Variants in NPIPB11 observed in about 807,000 individuals in gnomAD.
The protein encoded by NPIPB11 is nuclear pore complex-interacting protein family member B11.
In NPIPB11, 17 loss-of-function variants were observed where a neutral mutation model predicts 32.8. The observed-to-expected ratio is 0.52, with a 90% CI of 0.35 to 0.78. NPIPB11 has a LOEUF of 0.78. Ranked by LOEUF, NPIPB11 falls within the 30% of genes least tolerant of loss-of-function variation. NPIPB11 has a pLI of 0.01. For synonymous variants in NPIPB11, 209 were observed against 398.4 expected (o/e 0.52, Z 5.66); for missense variants, 537 against 1,000.4 (o/e 0.54, Z 6.25).
chr16:29,397,760 G>C (rs1403563603), intron 2 of NPIPB11: 1 of 220,342 alleles, frequency 4.5e-6, no homozygotes, highest in Non-Finnish European at 8.0e-6. Context: ...AGGGGGAGGG[G>C]AGGGGGAGGG....
intron 2 of NPIPB11, among the ~76,000 whole-genome samples, chr16:29,398,799 C>G (rs1963921232): frequency 1.3e-5 from 2 of 151,868 alleles, no homozygotes; most frequent in Admixed American, 6.6e-5. Context: ...ATGTCTCCCT[C>G]TGGCCTGGGA....
intron 5 of NPIPB11, among the ~76,000 whole-genome samples, chr16:29,389,573 C>T (rs1198745615): frequency 3.5e-5 from 5 of 142,258 alleles, no homozygotes; most frequent in Non-Finnish European, 7.5e-5. Context: ...ACTTGGGAGG[C>T]TGAGGCAGGA....
intron 3 of NPIPB11, among the ~76,000 whole-genome samples, chr16:29,393,277 T>C (rs1392199084): frequency 1.3e-5 from 2 of 151,630 alleles, no homozygotes; most frequent in Non-Finnish European, 2.9e-5. Context: ...CGCAGAGCAG[T>C]TCTGCCCTTC....
At chr16:29,401,807 T>C (rs1277623214) in intron 2 of NPIPB11, among the ~76,000 whole-genome samples, 1 of 151,980 alleles carries the variant, frequency 6.6e-6, no homozygotes, top group Non-Finnish European at 1.5e-5. Context: ...GCTGCTCCTT[T>C]ATTCTCGTGG....
chr16:29,390,802 A>G (rs1319739321), intron 3 of NPIPB11, among the ~76,000 whole-genome samples: 1 of 151,770 alleles, frequency 6.6e-6, no homozygotes, highest in African/African-American at 2.4e-5. Flanking sequence ...TGTCTCTGCT[A>G]AAAATACAAA....
intron 2 of NPIPB11, among the ~76,000 whole-genome samples, chr16:29,394,441 T>C (rs923638781): frequency 6.6e-6 from 1 of 151,196 alleles, no homozygotes; most frequent in Non-Finnish European, 1.5e-5. Context: ...TTTTTTTTTT[T>C]TTTTTTGAGA....
rs1334742474 is a variant in NPIPB11 at position 29,394,944 on chromosome 16, C to T, written c.121-868G>A. ...TATTTTTTGTGGAGATGGGGTTTTG[C>T]CATGTTGGTCAGGGTGGTCTCGAAC... On this transcript the variant is annotated intron_variant, in intron 2 of 7. Transcript: ENST00000524087. Among the ~76,000 whole-genome samples the T allele has an allele frequency of 2.0e-5, 3 of 147,122 alleles. No individual in the cohort carries two copies. The East Asian group carries it at 6.0e-4, about 30-fold the overall frequency.
intron 2 of NPIPB11, among the ~76,000 whole-genome samples, chr16:29,396,261 G>A (rs1346949490): frequency 1.3e-5 from 2 of 151,504 alleles, no homozygotes; most frequent in Admixed American, 6.6e-5. Flanking sequence ...TGCTGAGTCT[G>A]AAATGGAAAT....
At chr16:29,395,973 G>C (rs1343211477) in intron 2 of NPIPB11, among the ~76,000 whole-genome samples, 2 of 149,208 alleles carry the variant, frequency 1.3e-5, no homozygotes, top group African/African-American at 4.9e-5. Context: ...GCGAGACTCT[G>C]TCTCAAAAAA....
chr16:29,389,098 G>C (rs1963640676), intron 5 of NPIPB11, among the ~76,000 whole-genome samples: 1 of 151,488 alleles, frequency 6.6e-6, no homozygotes, highest in South Asian at 2.1e-4. Flanking sequence ...AAGAGGCTGA[G>C]AGATAAGAAT....
At chr16:29,406,490 G>C (rs202169985), upstream of NPIPB11, among the ~76,000 whole-genome samples, 126 of 152,292 alleles carry the variant, frequency 8.3e-4, no homozygotes, top group East Asian at 3.5e-3. Flanking sequence ...GACAAAGGCA[G>C]GTGGATCACC....
chr16:29,395,922 G>A (rs1963842289), intron 2 of NPIPB11, among the ~76,000 whole-genome samples: 1 of 151,214 alleles, frequency 6.6e-6, no homozygotes, highest in Non-Finnish European at 1.5e-5. Flanking sequence ...AGGTTGCAGT[G>A]AGCCGAGATT....
chr16:29,389,383 A>C (rs1287376055), intron 5 of NPIPB11, among the ~76,000 whole-genome samples: 1 of 141,488 alleles, frequency 7.1e-6, no homozygotes, highest in African/African-American at 2.6e-5. Flanking sequence ...AAAAAAAAAA[A>C]AAAAAAAAGG....
rs868552742 is a variant in NPIPB11 at position 29,399,468 on chromosome 16, G to A, written c.120+4215C>T. Among the ~76,000 whole-genome samples, 57 of 149,658 alleles carry A rather than the reference G, an allele frequency of 3.8e-4. 1 individual carries two copies. Among genetic ancestry groups the A allele is most frequent in the Middle Eastern group, 3.4e-3 (1 of 294 alleles). On this transcript the variant is annotated intron_variant, in intron 2 of 7. Transcript: ENST00000524087. Reference sequence around the variant, plus strand: ...TGTAATCCCAGCACTTTGGGAGGCCGAGGTGGGTGGATCACAAGGTCAGGA... The same window carrying A: ...TGTAATCCCAGCACTTTGGGAGGCCAAGGTGGGTGGATCACAAGGTCAGGA...
At chr16:29,405,476 C>T (rs1464902375), upstream of NPIPB11, among the ~76,000 whole-genome samples, 1 of 152,106 alleles carries the variant, frequency 6.6e-6, no homozygotes, top group Non-Finnish European at 1.5e-5. Context: ...AAGCCGTCAC[C>T]ACGTGTTAGT....
intron 2 of NPIPB11, among the ~76,000 whole-genome samples, chr16:29,398,794 TC>T (rs1255936613): frequency 6.6e-6 from 1 of 151,706 alleles, no homozygotes; most frequent in African/African-American, 2.4e-5. Context: ...ATAAAATGTC[TC>T]CCTCTGGCCT....
intron 2 of NPIPB11, among the ~76,000 whole-genome samples, chr16:29,402,255 G>C: frequency 8.9e-6 from 1 of 112,124 alleles, no homozygotes; most frequent in African/African-American, 3.9e-5. Flanking sequence ...AATGCATACT[G>C]ATTGTCAATA....
At chr16:29,401,578 CA>C (rs1437518709) in intron 2 of NPIPB11, among the ~76,000 whole-genome samples, 1 of 152,162 alleles carries the variant, frequency 6.6e-6, no homozygotes, top group African/African-American at 2.4e-5. Context: ...CACAGTCTCC[CA>C]TGTAGGCTGA....
intron 5 of NPIPB11, among the ~76,000 whole-genome samples, chr16:29,388,901 A>C (rs886504107): frequency 1.0e-4 from 13 of 129,580 alleles, no homozygotes; most frequent in African/African-American, 3.8e-4. Flanking sequence ...TCTCTACTAA[A>C]AATACAAAAA....
Sources: allele counts gnomAD v4.1 joint callset (sites outside exome capture counted in the v4.1 genomes callset), GRCh38; gene constraint gnomAD v4.1.1; transcripts MANE v1.5; gene names NCBI Gene and HGNC (gene_info 2026-07-23, HGNC 2026-07-21).